The following SLC41A1 variants were observed in gnomAD, a reference collection of about 807,000 sequenced individuals.
SLC41A1 encodes solute carrier family 41 (magnesium transporter), member 1.
Under a neutral mutation model 47.3 loss-of-function variants are expected in SLC41A1, and 20 were observed. The observed-to-expected ratio is 0.42, with a 90% CI of 0.30 to 0.61. The LOEUF (loss-of-function observed/expected upper bound fraction) is 0.61. Ranked by LOEUF, SLC41A1 falls within the 20% of genes least tolerant of loss-of-function variation. The pLI, the probability that SLC41A1 is intolerant of heterozygous loss-of-function variation, is 0.17. For synonymous variants in SLC41A1, 282 were observed against 272.7 expected (o/e 1.03, Z -0.34); for missense variants, 504 against 674.1 (o/e 0.75, Z 2.79).
At chr1:205,793,532 G>A (rs116002688) in intron 10 of SLC41A1, among the ~76,000 whole-genome samples, 3,606 of 152,310 alleles carry the variant, frequency 0.024, 57 homozygotes, top group Middle Eastern at 0.088. Flanking sequence ...TCTCAGCCCC[G>A]CCCCTGCCAA....
At chr1:205,809,018 G>C (rs2102511436) in intron 2 of SLC41A1, among the ~76,000 whole-genome samples, 1 of 152,306 alleles carries the variant, frequency 6.6e-6, no homozygotes, top group Middle Eastern at 3.4e-3. Flanking sequence ...CACAGTCAGG[G>C]AACACTGGGG....
In SLC41A1 at chr1:205,810,797, G is replaced by C; in HGVS notation, c.-356C>G. 3.2e-6 allele frequency: 1 copy of C among 311,146 alleles called. No homozygotes were observed. The highest frequency in any genetic ancestry group is 6.2e-6 in the Non-Finnish European group (1 of 161,744). The allele number at this position is 311,146 out of a possible 1,614,324, so 19.3% of individuals were successfully genotyped here. A position where few individuals can be genotyped will look rare whatever the true frequency, so the allele number is the denominator to read the frequency against. On this transcript the variant is annotated 5_prime_UTR_variant, in exon 2 of 11. Transcript: ENST00000367137. The surrounding 1 kb of genome is among the most constrained non-coding windows in gnomAD (Gnocchi z 5.5). ...GGCTCCTCAGAGCAGGGGGCATCCA[G>C]AGTAGAAGAGCTCAACCAAATTCTG...
At chr1:205,808,278 C>G (rs1370622815) in intron 2 of SLC41A1, among the ~76,000 whole-genome samples, 1 of 152,202 alleles carries the variant, frequency 6.6e-6, no homozygotes, top group Non-Finnish European at 1.5e-5. Context: ...TTTTAACCAA[C>G]TGGTGAACCA....
Position 205,798,793 on chromosome 1 carries a change from G to C in SLC41A1, c.720C>G (p.Ile240Met). ...TGATCCCAATCTTGCGAGAGCCAAT[G>C]ATGACTCCAATCATGATCATACCTG... ...LVLGMIMIGV[I>M]IGSRKIGINP... The change falls in exon 6 of 11, where the codon ATC becomes ATG. Residue 240 changes from isoleucine (I) to methionine (M), a missense_variant. Ile to Met is a conservative substitution (Grantham distance 10, BLOSUM62 1). Coordinates refer to ENST00000367137, the MANE Select transcript of SLC41A1 (RefSeq NM_173854.6). 6.2e-7 allele frequency: 1 copy of C among 1,614,144 alleles called. No individual in the cohort carries two copies. Among genetic ancestry groups the C allele is most frequent in the Non-Finnish European group, 8.5e-7 (1 of 1,180,032 alleles).
rs537972475 is a variant in SLC41A1, at chr1:205,794,912, T to C, written c.1314A>G (p.Thr438=). Residue 438 remains threonine (T), a synonymous_variant, in exon 10 of 11, where the codon ACA becomes ACG. Transcript: ENST00000367137. The part of the protein sequence containing the change: ...SCMQGGHTTL[T]LIFIIFYMTA... ...TCATATAGAAGATGATGAAGATGAG[T>C]GTGAGGGTGGTGTGCCCGCCCTGCA... 1.9e-6 allele frequency: 3 copies of C among 1,613,774 alleles called. No individual in the cohort carries two copies. In the Admixed American group the frequency reaches 5.0e-5, roughly 27 times the overall value.
At chr1:205,811,734 C>T (rs529096372) in intron 1 of SLC41A1, among the ~76,000 whole-genome samples, 15 of 152,234 alleles carry the variant, frequency 9.9e-5, no homozygotes, top group Non-Finnish European at 1.9e-4. Flanking sequence ...GGCCTACCCA[C>T]TCCTGCCCTT....
Position 205,798,558 on chromosome 1 carries a change from T to C in SLC41A1, c.844+111A>G, listed in dbSNP as rs113923717. The C allele has an allele frequency of 1.6e-4, 244 of 1,512,056 alleles. No homozygotes were observed. In the African/African-American group the frequency reaches 2.6e-3, roughly 16 times the overall value. The allele number at this position is 1,512,056 out of a possible 1,614,324, so 93.7% of individuals were successfully genotyped here. A position where few individuals can be genotyped will look rare whatever the true frequency, so the allele number is the denominator to read the frequency against. ...GATCAGGAATTATTACAACCTGTGT[T>C]CAAACCAAATAGTTTAAGAACACAG... is the stretch of plus-strand genomic sequence containing the variant. On this transcript the variant is annotated intron_variant, in intron 6 of 10. Transcript: ENST00000367137.
intron 6 of SLC41A1, 72 bp downstream of exon 6, chr1:205,798,597 A>G: frequency 6.2e-7 from 1 of 1,603,820 alleles, no homozygotes; most frequent in Non-Finnish European, 8.5e-7. Context: ...AAACTCTTGC[A>G]CATTTGCAAA....
Position 205,791,703 on chromosome 1 carries a change from A to G in SLC41A1, c.1372T>C (p.Tyr458His). 6.2e-7 allele frequency: 1 copy of G among 1,613,868 alleles called. No homozygotes were observed. Among genetic ancestry groups the G allele is most frequent in the Non-Finnish European group, 8.5e-7 (1 of 1,180,008 alleles). Residue 458 changes from tyrosine to histidine, a missense_variant, in exon 11 of 11, where the codon TAC becomes CAC. Coordinates refer to ENST00000367137, the MANE Select transcript of SLC41A1 (RefSeq NM_173854.6). The surrounding 1 kb of genome is among the most constrained non-coding windows in gnomAD (Gnocchi z 4.0). ...CAGTGCACCATCCAGTCTGCGATGT[A>G]CAGGAGAATCAGCACCTGGGGAGAC... ...AALLQVLILL[Y>H]IADWMVHWMW...
At chr1:205,801,292 C>A (rs558946113) in intron 2 of SLC41A1, 2 of 495,272 alleles carry the variant, frequency 4.0e-6, no homozygotes, top group Non-Finnish European at 7.4e-6. Context: ...GGGTTTCTGC[C>A]GGTTGGGAGA....
chr1:205,797,125 A>G, intron 7 of SLC41A1, 122 bp from the exon 8 acceptor site: 1 of 850,486 alleles, frequency 1.2e-6, no homozygotes, highest in Non-Finnish European at 2.0e-6. Context: ...GGCTCTCAGG[A>G]GTTCCTCACC....
chr1:205,794,800 C>T, intron 10 of SLC41A1, 70 bp downstream of exon 10: 1 of 1,598,292 alleles, frequency 6.3e-7, no homozygotes, highest in Non-Finnish European at 8.5e-7. Context: ...GAGGCCAAGT[C>T]TGGCCTCCTC....
chr1:205,799,056 C>T lies in SLC41A1; in HGVS notation c.598G>A (p.Val200Ile), dbSNP rs371608595. 24 of 1,613,082 alleles carry T rather than the reference C, an allele frequency of 1.5e-5. No individual in the cohort carries two copies. Among genetic ancestry groups the T allele is most frequent in the Admixed American group, 3.3e-5 (2 of 60,004 alleles). Reference sequence around the variant, plus strand: ...TGGCCATCAGGGATCCAGCCAAAGACGACGGCTGCGATGGACGCCAGGAAG... The same window carrying T: ...TGGCCATCAGGGATCCAGCCAAAGATGACGGCTGCGATGGACGCCAGGAAG... ...VGFLASIAAV[V>I]FGWIPDGHFS... Residue 200 changes from valine to isoleucine, a missense_variant, in exon 5 of 11, where the codon GTC (valine) becomes ATC (isoleucine). By Grantham distance (29) the Val-to-Ile change is conservative (BLOSUM62 3). Transcript: ENST00000367137.
intron 4 of SLC41A1, 126 bp from the exon 5 acceptor site, chr1:205,799,227 GT>G: frequency 1.6e-6 from 2 of 1,277,100 alleles, no homozygotes; most frequent in Admixed American, 2.0e-5. Context: ...GGACTGCATG[GT>G]CCAGTCCTCC....
Position 205,800,971 on chromosome 1 carries a change from T to C in SLC41A1, c.462A>G (p.Ala154=). 1 of 1,614,144 alleles carries C rather than the reference T, an allele frequency of 6.2e-7. No homozygotes were observed. The highest frequency in any genetic ancestry group is 8.5e-7 in the Non-Finnish European group (1 of 1,180,008). The change falls in exon 3 of 11, where the codon GCA becomes GCG. Residue 154 remains alanine, a synonymous_variant. Coordinates refer to ENST00000367137, the MANE Select transcript of SLC41A1 (RefSeq NM_173854.6). ...TACTCACTGCAGTGGAAAGCCTTGA[T>C]GCCAGGGTCATTTCCAGGTTCCCTT... ...GLKGNLEMTL[A]SRLSTAANIG...
chr1:205,796,587 A>G (rs1481417256), intron 8 of SLC41A1: 9 of 344,776 alleles, frequency 2.6e-5, no homozygotes, highest in Non-Finnish European at 4.4e-5. Context: ...CAGCTTCCAG[A>G]ACTGTGAGCT....
In SLC41A1 at chr1:205,791,729, A is replaced by C. The variant is rs1191497996; in HGVS notation, c.1357-11T>G. The C allele has an allele frequency of 1.9e-6, 3 of 1,612,516 alleles. No homozygotes were observed. The African/African-American group carries it at 4.0e-5, about 22-fold the overall frequency. On this transcript the variant is annotated splice_polypyrimidine_tract_variant and intron_variant, in intron 10 of 10. Coordinates refer to ENST00000367137, the MANE Select transcript of SLC41A1 (RefSeq NM_173854.6). This position sits in a 1 kb window ranked among gnomAD's most constrained non-coding sequence, Gnocchi z 4.0. The stretch of plus-strand genomic sequence containing the variant: ...CAGGAGAATCAGCACCTGGGGAGAC[A>C]AAAGGGCCCAGCCTATAGCCATCCT...
Position 205,791,452 on chromosome 1 carries a change from G to C in SLC41A1, c.*81C>G. On this transcript the variant is annotated 3_prime_UTR_variant, in exon 11 of 11. Transcript: ENST00000367137. The surrounding 1 kb of genome is among the most constrained non-coding windows in gnomAD (Gnocchi z 4.0). ...AGTCCTAGAAAGAGGTGGGAGTGTG[G>C]GGTGGAGGAGGGACAGGGGAACAAA... The C allele has an allele frequency of 1.3e-6, 2 of 1,501,950 alleles. No homozygotes were observed. Among genetic ancestry groups the C allele is most frequent in the Non-Finnish European group, 1.8e-6 (2 of 1,083,732 alleles). The allele number at this position is 1,501,950 out of a possible 1,614,324, so 93.0% of individuals were successfully genotyped here.
At chr1:205,809,561 C>T (rs1656095871) in intron 2 of SLC41A1, among the ~76,000 whole-genome samples, 2 of 152,308 alleles carry the variant, frequency 1.3e-5, no homozygotes, top group South Asian at 2.1e-4. Flanking sequence ...ATAAGCAACA[C>T]AAAATGCCTT....
Sources: allele counts gnomAD v4.1 joint callset (sites outside exome capture counted in the v4.1 genomes callset), GRCh38; gene constraint gnomAD v4.1.1; non-coding constraint Gnocchi (gnomAD v3.1); transcripts MANE v1.5; gene names NCBI Gene and HGNC (gene_info 2026-07-23, HGNC 2026-07-21).